Variants in ATP8B2 observed in about 807,000 individuals in gnomAD.
ATP8B2 encodes ATPase phospholipid transporting 8B2, also known as phospholipid-transporting ATPase ID.
ATP8B2 carries 70 observed loss-of-function variants against 133.4 expected under a neutral mutation model. The ratio of observed to expected loss-of-function variants is 0.52; its 90% CI spans 0.43 to 0.64. ATP8B2 has a LOEUF of 0.64. Among genes scored for constraint, ATP8B2 ranks in the 30% least tolerant of loss-of-function variants. The probability of loss-of-function intolerance (pLI) is 0.00; values close to 1 mark genes in which losing one functional copy is unlikely to be tolerated. For synonymous variants in ATP8B2, 517 were observed against 589.5 expected (o/e 0.88, Z 1.78); for missense variants, 1,101 against 1,535.7 (o/e 0.72, Z 4.73).
At chr1:154,341,223 G>A in intron 13 of ATP8B2, 161 bp downstream of exon 13, 1 of 756,968 alleles carries the variant, frequency 1.3e-6, no homozygotes, top group Non-Finnish European at 2.3e-6. Context: ...GGTGGCTCAT[G>A]CCTATAGTCA....
intron 1 of ATP8B2, among the ~76,000 whole-genome samples, chr1:154,326,336 G>C (rs1234861022): frequency 6.6e-6 from 1 of 152,038 alleles, no homozygotes; most frequent in Non-Finnish European, 1.5e-5. Context: ...CAGCCTTTGG[G>C]GCTCTTGCTT....
At position 154,346,167 on chromosome 1, in the gene ATP8B2, T is replaced by C; in HGVS notation, c.2779-64T>C. ...CAGGGACAGAGTCAGAGTCTGCCCT[T>C]GGTCATCCAGGGTCAAAACGGCAAC... On this transcript the variant is annotated intron_variant, in intron 24 of 27. Transcript: ENST00000368489. The surrounding 1 kb of genome is among the most constrained non-coding windows in gnomAD (Gnocchi z 4.5). The C allele has an allele frequency of 6.3e-7, 1 of 1,577,932 alleles. No individual in the cohort carries two copies. Among genetic ancestry groups the C allele is most frequent in the Non-Finnish European group, 8.6e-7 (1 of 1,159,928 alleles).
In ATP8B2 at chr1:154,346,598, T is replaced by C; in HGVS notation, c.3025-22T>C. 1.2e-6 allele frequency: 2 copies of C among 1,614,098 alleles called. No individual in the cohort carries two copies. The highest frequency in any genetic ancestry group is 1.6e-4 in the Middle Eastern group (1 of 6,062). On this transcript the variant is annotated intron_variant, in intron 25 of 27. Coordinates refer to ENST00000368489, the MANE Select transcript of ATP8B2 (RefSeq NM_001370597.1). The surrounding 1 kb of genome is among the most constrained non-coding windows in gnomAD (Gnocchi z 4.5). ...GGGGCTTTTAGGGCGTGCGCCTGCCTGACTATGCCTACTTTCTGCAGATTG... is the reference window on the plus strand; with the variant it reads ...GGGGCTTTTAGGGCGTGCGCCTGCCCGACTATGCCTACTTTCTGCAGATTG...
rs1404875928 is a variant in ATP8B2, at chr1:154,340,224, T to C, written c.1035-630T>C. ...ACCACCACAATGCGCTGTGCCATTG[T>C]GAAGTGGTGGTGTTCTGCAGATGCC... is the stretch of plus-strand genomic sequence containing the variant. On this transcript the variant is annotated intron_variant, in intron 12 of 27. Coordinates refer to ENST00000368489, the MANE Select transcript of ATP8B2 (RefSeq NM_001370597.1). The surrounding 1 kb of genome is among the most constrained non-coding windows in gnomAD (Gnocchi z 4.0). Among the ~76,000 whole-genome samples, 2 of 152,146 alleles carry C rather than the reference T, an allele frequency of 1.3e-5. No individual in the cohort carries two copies. The highest frequency in any genetic ancestry group is 1.5e-5 in the Non-Finnish European group (1 of 68,018).
rs1686033974 is a variant in ATP8B2 at position 154,332,624 on chromosome 1, C to T, written c.516C>T (p.Thr172=). 6.3e-7 allele frequency: 1 copy of T among 1,587,568 alleles called. No homozygotes were observed. The highest frequency in any genetic ancestry group is 8.6e-7 in the Non-Finnish European group (1 of 1,165,840). Reference sequence around the variant, plus strand: ...AGAGATACTGTCCTTCCAGCGAGACCAACATGAAAGTACGTCAGGCGATTC... The same window carrying T: ...AGAGATACTGTCCTTCCAGCGAGACTAACATGAAAGTACGTCAGGCGATTC... The part of the protein sequence containing the change: ...YIETAELDGE[T]NMKVRQAIPV... Residue 172 remains threonine (T), a synonymous_variant, in exon 9 of 28, where the codon ACC becomes ACT. Coordinates refer to ENST00000368489, the MANE Select transcript of ATP8B2 (RefSeq NM_001370597.1).
At chr1:154,336,442 A>G (rs1686182562) in intron 11 of ATP8B2, among the ~76,000 whole-genome samples, 1 of 149,706 alleles carries the variant, frequency 6.7e-6, no homozygotes, top group Non-Finnish European at 1.5e-5. Flanking sequence ...ACAATAGCTG[A>G]TAAGCTTAGA....
At chr1:154,330,350 C>T (rs6691345) in intron 2 of ATP8B2, 46 bp from the exon 3 acceptor site, 207,279 of 1,581,114 alleles carry the variant, frequency 0.13, 14,667 homozygotes, top group African/African-American at 0.22. Flanking sequence ...AGTGTTGGTC[C>T]AGACCTCAGT....
At chr1:154,342,410 A>AGATGT in intron 13 of ATP8B2, 70 bp from the exon 14 acceptor site, 1 of 1,470,210 alleles carries the variant, frequency 6.8e-7, no homozygotes, top group Non-Finnish European at 9.5e-7. Flanking sequence ...TCTGCATTGG[A>AGATGT]GATGTTTTTC....
At position 154,330,799 on chromosome 1, in the gene ATP8B2, T is replaced by C; in HGVS notation, c.91-16T>C. 6.2e-7 allele frequency: 1 copy of C among 1,602,606 alleles called. No individual in the cohort carries two copies. The highest frequency in any genetic ancestry group is 8.5e-7 in the Non-Finnish European group (1 of 1,169,672). On this transcript the variant is annotated splice_polypyrimidine_tract_variant and intron_variant, in intron 3 of 27. Transcript: ENST00000368489. ...GGACTGGAGACTGCTCATTATCTTC[T>C]CTCCTACTGCCATAGAGTAACTGCA... is the stretch of plus-strand genomic sequence containing the variant.
At chr1:154,333,076 G>A (rs1171185331) in intron 9 of ATP8B2, among the ~76,000 whole-genome samples, 2 of 152,172 alleles carry the variant, frequency 1.3e-5, no homozygotes, top group African/African-American at 4.8e-5. Context: ...TTGGGAGGCC[G>A]AGGTGGGCGG....
Position 154,342,723 on chromosome 1 carries a change from G to A in ATP8B2, c.1288-73G>A, listed in dbSNP as rs1021546708. 3.9e-6 allele frequency: 6 copies of A among 1,550,406 alleles called. No homozygotes were observed. In the African/African-American group the frequency reaches 6.8e-5, roughly 18 times the overall value. On this transcript the variant is annotated intron_variant, in intron 14 of 27. Transcript: ENST00000368489. The stretch of plus-strand genomic sequence containing the variant: ...CAGGAGCCTACTGAGAGTTGGGAGG[G>A]CAGGGATGAACCCTTCCCCGGGATG...
In ATP8B2 at chr1:154,331,776, C is replaced by A; in HGVS notation, c.438+98C>A. Reference sequence around the variant, plus strand: ...GATTTACTGTTGCCTCTTAAACACCCGTGGCAGGAATCTTTCTCACACCAG... The same window carrying A: ...GATTTACTGTTGCCTCTTAAACACCAGTGGCAGGAATCTTTCTCACACCAG... On this transcript the variant is annotated intron_variant, in intron 7 of 27. Coordinates refer to ENST00000368489, the MANE Select transcript of ATP8B2 (RefSeq NM_001370597.1). The surrounding 1 kb of genome is among the most constrained non-coding windows in gnomAD (Gnocchi z 4.8). 1 of 1,406,222 alleles carries A rather than the reference C, an allele frequency of 7.1e-7. No homozygotes were observed. Among genetic ancestry groups the A allele is most frequent in the South Asian group, 1.2e-5 (1 of 86,388 alleles). 87.1% of individuals were successfully genotyped at this position (1,406,222 alleles called of 1,614,324 possible).
At position 154,345,702 on chromosome 1, in the gene ATP8B2, T is replaced by G; in HGVS notation, c.2695-98T>G. 1 of 1,368,608 alleles carries G rather than the reference T, an allele frequency of 7.3e-7. No homozygotes were observed. The highest frequency in any genetic ancestry group is 1.0e-6 in the Non-Finnish European group (1 of 969,716). The allele number at this position is 1,368,608 out of a possible 1,614,324, so 84.8% of individuals were successfully genotyped here. A position where few individuals can be genotyped will look rare whatever the true frequency, so the allele number is the denominator to read the frequency against. On this transcript the variant is annotated intron_variant, in intron 23 of 27. Coordinates refer to ENST00000368489, the MANE Select transcript of ATP8B2 (RefSeq NM_001370597.1). The surrounding 1 kb of genome is among the most constrained non-coding windows in gnomAD (Gnocchi z 5.6). The stretch of plus-strand genomic sequence containing the variant: ...GGAGGAGAGAAGGAGCCTCAGAAAA[T>G]TTCTTAGGGTTCTCTGTATGTGACA...
At chr1:154,342,206 G>C (rs948636016) in intron 13 of ATP8B2, among the ~76,000 whole-genome samples, 3 of 152,008 alleles carry the variant, frequency 2.0e-5, no homozygotes, top group Non-Finnish European at 4.4e-5. Flanking sequence ...GCTGCCCTGA[G>C]GGGGGTGCCG....
Position 154,349,372 on chromosome 1 carries a change from G to A in ATP8B2, c.*254G>A, listed in dbSNP as rs1686711302. 2 of 534,278 alleles carry A rather than the reference G, an allele frequency of 3.7e-6. No individual in the cohort carries two copies. The highest frequency in any genetic ancestry group is 1.9e-5 in the African/African-American group (1 of 53,312). 33.1% of individuals were successfully genotyped at this position (534,278 alleles called of 1,614,324 possible). ...GAGGCACGGGGAGCCAGCCCCACTC[G>A]GGGACCAGAAGTGGAACCAAAAACA... is the stretch of plus-strand genomic sequence containing the variant. On this transcript the variant is annotated 3_prime_UTR_variant, in exon 28 of 28. Coordinates refer to ENST00000368489, the MANE Select transcript of ATP8B2 (RefSeq NM_001370597.1).
chr1:154,343,102 T>C lies in ATP8B2; in HGVS notation c.1454-11T>C, dbSNP rs372273212. On this transcript the variant is annotated splice_polypyrimidine_tract_variant and intron_variant, in intron 15 of 27. Transcript: ENST00000368489. This position sits in a 1 kb window ranked among gnomAD's most constrained non-coding sequence, Gnocchi z 5.8. ...CCACTTATATCACGTGTATTCTTCC[T>C]CCCCACCCAGGAGAGCTGTACTACA... The C allele has an allele frequency of 9.3e-6, 15 of 1,609,482 alleles. No homozygotes were observed. The African/African-American group carries it at 2.0e-4, about 22-fold the overall frequency.
rs1686103039 is a variant in ATP8B2, at chr1:154,334,330, A to G, written c.748+65A>G. The G allele has an allele frequency of 6.3e-7, 1 of 1,591,524 alleles. No homozygotes were observed. The highest frequency in any genetic ancestry group is 8.6e-7 in the Non-Finnish European group (1 of 1,162,916). On this transcript the variant is annotated intron_variant, in intron 10 of 27. Coordinates refer to ENST00000368489, the MANE Select transcript of ATP8B2 (RefSeq NM_001370597.1). This position sits in a 1 kb window ranked among gnomAD's most constrained non-coding sequence, Gnocchi z 4.6. Reference sequence around the variant, plus strand: ...ACTCAGCCAGCCCTCACTCAGGAGTATGGGATGAGGTGGGAGAATACCTAA... The same window carrying G: ...ACTCAGCCAGCCCTCACTCAGGAGTGTGGGATGAGGTGGGAGAATACCTAA...
chr1:154,337,702 G>A (rs940830552), intron 12 of ATP8B2, 158 bp downstream of exon 12: 2 of 1,557,638 alleles, frequency 1.3e-6, no homozygotes, highest in Admixed American at 2.0e-5. Context: ...TGTGGGCAGA[G>A]CAAACTTTTT....
chr1:154,331,857 A>G lies in ATP8B2; in HGVS notation c.439-97A>G, dbSNP rs1686004450. ...ACTAGCCATTTATGCACCTGGAACT[A>G]AGCAAACCAAGAATGCTTAGTGGAA... On this transcript the variant is annotated intron_variant, in intron 7 of 27. Coordinates refer to ENST00000368489, the MANE Select transcript of ATP8B2 (RefSeq NM_001370597.1). This position sits in a 1 kb window ranked among gnomAD's most constrained non-coding sequence, Gnocchi z 4.8. The G allele has an allele frequency of 4.3e-6, 6 of 1,395,452 alleles. No homozygotes were observed. The highest frequency in any genetic ancestry group is 6.1e-6 in the Non-Finnish European group (6 of 984,472). The allele number at this position is 1,395,452 out of a possible 1,614,324, so 86.4% of individuals were successfully genotyped here. A position where few individuals can be genotyped will look rare whatever the true frequency, so the allele number is the denominator to read the frequency against.
Sources: gnomAD v4.1 joint callset for allele counts (sites outside exome capture counted in the v4.1 genomes callset) on GRCh38, gnomAD v4.1.1 for gene constraint, Gnocchi (gnomAD v3.1) non-coding constraint, MANE v1.5 for transcripts, NCBI Gene and HGNC (gene_info 2026-07-23, HGNC 2026-07-21) for gene names.